Variants in DNAH14 observed in about 807,000 individuals in gnomAD.
The protein encoded by DNAH14 is axonemal beta dynein heavy chain 14.
A neutral mutation model predicts 520.9 loss-of-function variants in DNAH14; 478 were observed. That is an observed-to-expected ratio of 0.92 (90% confidence interval 0.85 to 0.99). DNAH14 has a LOEUF of 0.99. Ranked by LOEUF, DNAH14 falls within the 50% of genes least tolerant of loss-of-function variation. The pLI is 0.00. For missense variants in DNAH14, 4,831 were observed against 5,234.5 expected (o/e 0.92, Z 2.38); for synonymous variants, 1,581 against 1,757.2 (o/e 0.90, Z 2.51).
chr1:225,109,141 G>A (rs1402323020), intron 23 of DNAH14, among the ~76,000 whole-genome samples: 2 of 152,076 alleles, frequency 1.3e-5, no homozygotes, highest in African/African-American at 2.4e-5. Context: ...TTTAAAGTCA[G>A]GTAATGTGAT....
intron 59 of DNAH14, among the ~76,000 whole-genome samples, chr1:225,308,076 G>A (rs534155854): frequency 3.3e-5 from 5 of 152,330 alleles, no homozygotes; most frequent in East Asian, 1.9e-4. Flanking sequence ...AAGAGGAGGC[G>A]CAGCTGAGAG....
intron 11 of DNAH14, among the ~76,000 whole-genome samples, chr1:225,035,165 G>C (rs559688632): frequency 1.1e-3 from 162 of 151,906 alleles, no homozygotes; most frequent in African/African-American, 3.4e-3. Context: ...TCTAGCAATT[G>C]ATCACTTTTT....
chr1:225,390,992 T>TA lies in DNAH14; in HGVS notation c.13330+1124dup. ...GTCAAGATTTGAACTCAGCCTGACT[T>TA]AAAAAGTTGAGTGTTTCAATGACTG... On this transcript the variant is annotated intron_variant, in intron 83 of 85. Coordinates refer to ENST00000682510, the MANE Select transcript of DNAH14 (RefSeq NM_001367479.1). Among the ~76,000 whole-genome samples, 3 of 152,170 alleles carry TA rather than the reference T, an allele frequency of 2.0e-5. No individual in the cohort carries two copies. The Middle Eastern group carries it at 0.01, about 518-fold the overall frequency.
At position 224,974,101 on chromosome 1, in the gene DNAH14, G is replaced by A; in HGVS notation, c.778G>A (p.Ala260Thr). The A allele has an allele frequency of 2.0e-6, 3 of 1,505,036 alleles. No individual in the cohort carries two copies. The highest frequency in any genetic ancestry group is 2.7e-6 in the Non-Finnish European group (3 of 1,121,684). 93.2% of individuals were successfully genotyped at this position (1,505,036 alleles called of 1,614,324 possible). ...CATTTTTCCTTTCAGAATGAATAAA[G>A]CATTTGTTACCTGGAAATTGAATGT... ...KIFSDFRMNK[A>T]FVTWKLNVKR... is the part of the protein sequence containing the mutation. The change falls in exon 8 of 86, where the codon GCA (alanine) becomes ACA (threonine). Residue 260 changes from alanine to threonine, a missense_variant. Ala to Thr is a moderately conservative substitution (Grantham distance 58). Transcript: ENST00000682510.
intron 60 of DNAH14, among the ~76,000 whole-genome samples, chr1:225,317,176 T>C (rs890500159): frequency 6.6e-6 from 1 of 152,200 alleles, no homozygotes; most frequent in Non-Finnish European, 1.5e-5. Flanking sequence ...TTTTCATTAA[T>C]GTCAATATTT....
chr1:225,137,926 C>T (rs559600721), intron 27 of DNAH14, among the ~76,000 whole-genome samples: 46 of 152,214 alleles, frequency 3.0e-4, no homozygotes, highest in Admixed American at 1.2e-3. Context: ...ATCTCCCTCC[C>T]GGGAAGAGAT....
At chr1:225,376,620 G>A (rs143472625) in intron 78 of DNAH14, among the ~76,000 whole-genome samples, 156 of 152,312 alleles carry the variant, frequency 1.0e-3, no homozygotes, top group African/African-American at 3.4e-3. Context: ...TTGTTCAGTT[G>A]CTTTAAAACA....
chr1:225,027,710 T>C (rs2066229341), intron 11 of DNAH14, among the ~76,000 whole-genome samples: 1 of 152,064 alleles, frequency 6.6e-6, no homozygotes, highest in Non-Finnish European at 1.5e-5. Context: ...GAGGAAATCT[T>C]TCCCCTTAAT....
intron 67 of DNAH14, among the ~76,000 whole-genome samples, 165 bp from the exon 68 acceptor site, chr1:225,337,896 G>A (rs548727019): frequency 6.6e-6 from 1 of 151,962 alleles, no homozygotes; most frequent in South Asian, 2.1e-4. Flanking sequence ...ATTTTTAAAT[G>A]TACAATTAAA....
intron 26 of DNAH14, among the ~76,000 whole-genome samples, chr1:225,121,236 C>T (rs766675611): frequency 1.4e-4 from 21 of 152,106 alleles, no homozygotes; most frequent in Non-Finnish European, 2.4e-4. Context: ...TACTCATCAC[C>T]TCACATGCTT....
At chr1:225,342,395 A>G (rs536099863) in intron 69 of DNAH14, among the ~76,000 whole-genome samples, 58 of 152,298 alleles carry the variant, frequency 3.8e-4, no homozygotes, top group African/African-American at 1.3e-3. Flanking sequence ...AGAAAGTGGA[A>G]GGAAACCTGA....
chr1:224,951,935 G>A (rs182901524), intron 1 of DNAH14, among the ~76,000 whole-genome samples: 6 of 152,242 alleles, frequency 3.9e-5, no homozygotes, highest in Admixed American at 2.6e-4. Flanking sequence ...CACGGCGCCC[G>A]GCTGGCATTT....
intron 71 of DNAH14, among the ~76,000 whole-genome samples, chr1:225,350,545 A>G (rs3905861): frequency 0.6 from 90,415 of 151,876 alleles, 28,003 homozygotes; most frequent in East Asian, 0.76. Flanking sequence ...GATGCAAAAA[A>G]TAAAAATCAG....
intron 21 of DNAH14, among the ~76,000 whole-genome samples, chr1:225,090,680 C>CA (rs1482875680): frequency 2.6e-5 from 4 of 152,110 alleles, no homozygotes; most frequent in Non-Finnish European, 5.9e-5. Flanking sequence ...GCAAAACAAA[C>CA]AAAAAACTCT....
chr1:225,039,744 G>A (rs1452231597), intron 12 of DNAH14, among the ~76,000 whole-genome samples: 1 of 149,368 alleles, frequency 6.7e-6, no homozygotes, highest in Non-Finnish European at 1.5e-5. Context: ...CGGGCGTAGT[G>A]GCGGGCGCCT....
chr1:225,017,644 T>A (rs1329805917), intron 10 of DNAH14, among the ~76,000 whole-genome samples: 1 of 152,224 alleles, frequency 6.6e-6, no homozygotes, highest in African/African-American at 2.4e-5. Context: ...TTCCCACCGA[T>A]GGTCACCCTG....
At chr1:225,303,754 A>G (rs983705024) in intron 57 of DNAH14, among the ~76,000 whole-genome samples, 1 of 152,208 alleles carries the variant, frequency 6.6e-6, no homozygotes, top group African/African-American at 2.4e-5. Flanking sequence ...AAGCCACAAC[A>G]CAAAATTAAC....
intron 71 of DNAH14, among the ~76,000 whole-genome samples, chr1:225,351,090 A>G (rs559169454): frequency 1.3e-5 from 2 of 152,280 alleles, no homozygotes; most frequent in South Asian, 2.1e-4. Context: ...ATTTAACACT[A>G]CTGAACTGTA....
Position 225,230,248 on chromosome 1 carries a change from C to T in DNAH14, c.6440-825C>T, listed in dbSNP as rs1162021186. ...AATGGCTTAATAAATTATGATGCAA[C>T]AAAATCATTTTTCAAAAGATTATTA... On this transcript the variant is annotated intron_variant, in intron 41 of 85. Transcript: ENST00000682510. Among the ~76,000 whole-genome samples the T allele has an allele frequency of 2.6e-5, 4 of 152,110 alleles. No homozygotes were observed. In the East Asian group the frequency reaches 7.7e-4, roughly 29 times the overall value.
Sources: gnomAD v4.1 joint callset for allele counts (sites outside exome capture counted in the v4.1 genomes callset) on GRCh38, gnomAD v4.1.1 for gene constraint, MANE v1.5 for transcripts, NCBI Gene and HGNC (gene_info 2026-07-23, HGNC 2026-07-21) for gene names.